The following COL28A1 variants were observed in gnomAD, a reference collection of about 807,000 sequenced individuals.
COL28A1 encodes collagen alpha-1(XXVIII) chain.
Under a neutral mutation model 150.2 loss-of-function variants are expected in COL28A1, and 161 were observed. The observed-to-expected ratio is 1.07, with a 90% CI of 0.94 to 1.22. COL28A1 has a LOEUF of 1.22. Ranked by LOEUF, COL28A1 falls within the 50% of genes most tolerant of loss-of-function variation. The probability of loss-of-function intolerance (pLI) is 0.00; values close to 1 mark genes in which losing one functional copy is unlikely to be tolerated. For synonymous variants in COL28A1, 552 were observed against 469.7 expected (o/e 1.18, Z -2.26); for missense variants, 1,617 against 1,388.3 (o/e 1.16, Z -2.62).
intron 8 of COL28A1, 103 bp downstream of exon 8, chr7:7,515,711 T>C: frequency 1.3e-6 from 1 of 747,150 alleles, no homozygotes; most frequent in East Asian, 2.5e-5. Context: ...AATCCAGACT[T>C]ACAAAAATAA....
At chr7:7,525,252 T>C (rs1280034172) in intron 3 of COL28A1, among the ~76,000 whole-genome samples, 1 of 152,244 alleles carries the variant, frequency 6.6e-6, no homozygotes, top group African/African-American at 2.4e-5. Context: ...GTGCATGTCA[T>C]ATGTACCATA....
At chr7:7,382,206 C>T (rs918414174) in intron 27 of COL28A1, among the ~76,000 whole-genome samples, 13 of 151,434 alleles carry the variant, frequency 8.6e-5, no homozygotes, top group African/African-American at 3.2e-4. Context: ...GCTATGCAGG[C>T]GGGTGAGGCA....
chr7:7,382,759 T>C (rs1398254922), intron 27 of COL28A1, among the ~76,000 whole-genome samples: 3 of 151,914 alleles, frequency 2.0e-5, no homozygotes, highest in Non-Finnish European at 4.4e-5. Context: ...TTGATAAAAA[T>C]TGCATCTCCC....
chr7:7,368,069 T>G (rs1261782786), intron 33 of COL28A1, among the ~76,000 whole-genome samples: 1 of 152,078 alleles, frequency 6.6e-6, no homozygotes, highest in East Asian at 1.9e-4. Flanking sequence ...CTATCACGCC[T>G]CATATCTCAG....
At chr7:7,352,100 C>A (rs939708433), downstream of COL28A1, among the ~76,000 whole-genome samples, 3 of 152,178 alleles carry the variant, frequency 2.0e-5, no homozygotes, top group African/African-American at 7.2e-5. Flanking sequence ...CTCTCTTAGT[C>A]TCCTTTTAAA....
At chr7:7,361,995 A>T (rs1463147025) in intron 33 of COL28A1, among the ~76,000 whole-genome samples, 1 of 152,164 alleles carries the variant, frequency 6.6e-6, no homozygotes, top group Non-Finnish European at 1.5e-5. Context: ...ACACATGGAC[A>T]CAGGGAGGGG....
At chr7:7,539,640 T>C (rs1213330117), upstream of COL28A1, among the ~76,000 whole-genome samples, 1 of 152,180 alleles carries the variant, frequency 6.6e-6, no homozygotes, top group Non-Finnish European at 1.5e-5. Flanking sequence ...AAAATTATCA[T>C]TGGTAATAAA....
chr7:7,363,927 T>C (rs151162019), intron 33 of COL28A1, among the ~76,000 whole-genome samples: 114 of 152,080 alleles, frequency 7.5e-4, no homozygotes, highest in African/African-American at 1.8e-3. Context: ...ATTACAGAGG[T>C]GAGCCACCAC....
rs534887585 is a variant in COL28A1, at chr7:7,514,877, T to G, written c.882+937A>C. Among the ~76,000 whole-genome samples the G allele has an allele frequency of 1.6e-4, 24 of 151,880 alleles. 1 individual carries two copies. The highest frequency in any genetic ancestry group is 5.8e-4 in the African/African-American group (24 of 41,408). The stretch of plus-strand genomic sequence containing the variant: ...CCCCAACAAACAGCTACCATTCGGC[T>G]CCCCCTCCAGCCTAGGAAAATGATG... On this transcript the variant is annotated intron_variant, in intron 8 of 34. Transcript: ENST00000399429.
intron 15 of COL28A1, among the ~76,000 whole-genome samples, chr7:7,459,272 A>T (rs1787412441): frequency 6.6e-6 from 1 of 152,236 alleles, no homozygotes; most frequent in Admixed American, 6.5e-5. Context: ...AGGAAGAAAG[A>T]GCAACTCATG....
intron 33 of COL28A1, among the ~76,000 whole-genome samples, chr7:7,367,614 C>G (rs184712942): frequency 6.6e-6 from 1 of 152,028 alleles, no homozygotes; most frequent in Non-Finnish European, 1.5e-5. Context: ...ATTTTTCTTA[C>G]GTCCTCCCCT....
the COL28A1 span, among the ~76,000 whole-genome samples, chr7:7,343,894 G>C: frequency 6.6e-6 from 1 of 152,024 alleles, no homozygotes. Context: ...TGTAGTCTCA[G>C]TTACTCGGGA....
chr7:7,420,782 C>G (rs991169897), intron 25 of COL28A1, among the ~76,000 whole-genome samples: 1 of 152,208 alleles, frequency 6.6e-6, no homozygotes, highest in Non-Finnish European at 1.5e-5. Context: ...AGAATAGGCA[C>G]TTGGTATATG....
chr7:7,505,554 G>A (rs1423580326), intron 11 of COL28A1, among the ~76,000 whole-genome samples: 1 of 152,088 alleles, frequency 6.6e-6, no homozygotes, highest in East Asian at 1.9e-4. Flanking sequence ...TACAAGCATG[G>A]TGCTGATGGT....
At chr7:7,519,938 C>G in intron 6 of COL28A1, 124 bp downstream of exon 6, 1 of 567,556 alleles carries the variant, frequency 1.8e-6, no homozygotes, top group Middle Eastern at 2.9e-4. Flanking sequence ...ATCCTGTATT[C>G]TTCACAAAAG....
At chr7:7,453,542 G>A in intron 16 of COL28A1, 34 bp from the exon 17 acceptor site, 1 of 867,720 alleles carries the variant, frequency 1.2e-6, no homozygotes, top group Non-Finnish European at 2.0e-6. Flanking sequence ...TAGTGTTAGT[G>A]AAATGAAGTA....
intron 27 of COL28A1, among the ~76,000 whole-genome samples, chr7:7,400,312 G>A (rs2128298442): frequency 6.6e-6 from 1 of 152,308 alleles, no homozygotes; most frequent in African/African-American, 2.4e-5. Flanking sequence ...AAGGCAGAGG[G>A]AGATTTGACA....
At chr7:7,341,723 G>A in the COL28A1 span, among the ~76,000 whole-genome samples, 2 of 152,132 alleles carry the variant, frequency 1.3e-5, no homozygotes, top group South Asian at 4.1e-4. Flanking sequence ...GAATATTTTA[G>A]AAATGTGTTT....
intron 27 of COL28A1, among the ~76,000 whole-genome samples, chr7:7,398,085 TC>T (rs1484186083): frequency 1.3e-5 from 2 of 152,154 alleles, no homozygotes; most frequent in Admixed American, 6.6e-5. Flanking sequence ...AATTCTGTGT[TC>T]TTATAATAAA....
Sources: gnomAD v4.1 joint callset for allele counts (sites outside exome capture counted in the v4.1 genomes callset) on GRCh38, gnomAD v4.1.1 for gene constraint, MANE v1.5 for transcripts, NCBI Gene and HGNC (gene_info 2026-07-23, HGNC 2026-07-21) for gene names.